The following SPIDR variants were observed in gnomAD, a reference collection of about 807,000 sequenced individuals.
The protein encoded by SPIDR is DNA repair-scaffolding protein.
Under a neutral mutation model 104.6 loss-of-function variants are expected in SPIDR, and 93 were observed. The observed-to-expected ratio is 0.89, with a 90% CI of 0.75 to 1.06. The LOEUF (loss-of-function observed/expected upper bound fraction) is 1.06, where lower values mean the gene tolerates loss of function less well. Ranked by LOEUF, SPIDR falls within the 50% of genes least tolerant of loss-of-function variation. The pLI is 0.00. For synonymous variants in SPIDR, 431 were observed against 416.9 expected (o/e 1.03, Z -0.41); for missense variants, 1,154 against 1,111.2 (o/e 1.04, Z -0.55).
intron 5 of SPIDR, among the ~76,000 whole-genome samples, chr8:47,382,122 A>G (rs888431598): frequency 6.6e-5 from 10 of 152,250 alleles, no homozygotes; most frequent in African/African-American, 2.4e-4. Flanking sequence ...GCACTGCTTC[A>G]TCTTGAAATT....
intron 1 of SPIDR, among the ~76,000 whole-genome samples, chr8:47,270,781 T>G (rs1270261334): frequency 6.6e-6 from 1 of 152,162 alleles, no homozygotes; most frequent in Non-Finnish European, 1.5e-5. Flanking sequence ...CCTTTTAAAG[T>G]TATCTTCTAA....
chr8:47,520,778 C>T lies in SPIDR; in HGVS notation c.1098-75033C>T, dbSNP rs181898177. ...CAGTGGATCACAAAGCTGTGTGACACTGGACATGACTTCCCAAAAGAACCC... is the reference window on the plus strand; with the variant it reads ...CAGTGGATCACAAAGCTGTGTGACATTGGACATGACTTCCCAAAAGAACCC... On this transcript the variant is annotated intron_variant, in intron 8 of 19. Transcript: ENST00000297423. Among the ~76,000 whole-genome samples, 4 of 152,292 alleles carry T rather than the reference C, an allele frequency of 2.6e-5. No homozygotes were observed. In the East Asian group the frequency reaches 5.8e-4, roughly 22 times the overall value.
chr8:47,266,108 G>A (rs1205432570), intron 1 of SPIDR, among the ~76,000 whole-genome samples: 1 of 149,876 alleles, frequency 6.7e-6, no homozygotes, highest in African/African-American at 2.5e-5. Flanking sequence ...AAGTTGTTGT[G>A]CATATCAGTA....
intron 1 of SPIDR, among the ~76,000 whole-genome samples, chr8:47,268,871 G>T (rs1276120702): frequency 6.6e-6 from 1 of 152,132 alleles, no homozygotes; most frequent in Non-Finnish European, 1.5e-5. Context: ...GATTTCCTGT[G>T]TACAAGGTCA....
chr8:47,657,077 T>C (rs979258228), intron 10 of SPIDR, among the ~76,000 whole-genome samples: 1 of 152,172 alleles, frequency 6.6e-6, no homozygotes, highest in Non-Finnish European at 1.5e-5. Flanking sequence ...TGGAATTAGA[T>C]AGTGCTGATG....
intron 8 of SPIDR, among the ~76,000 whole-genome samples, chr8:47,474,840 G>A (rs2076109168): frequency 1.3e-5 from 2 of 152,244 alleles, no homozygotes; most frequent in Admixed American, 6.5e-5. Context: ...GCAGAGAAGA[G>A]TACAGTTTTT....
intron 8 of SPIDR, among the ~76,000 whole-genome samples, chr8:47,593,504 TATTA>T (rs2061303452): frequency 2.0e-5 from 3 of 152,246 alleles, no homozygotes; most frequent in African/African-American, 7.2e-5. Context: ...TATTGACATC[TATTA>T]ACTGTCTTTA....
chr8:47,349,421 G>A (rs1196128318), intron 5 of SPIDR, among the ~76,000 whole-genome samples: 1 of 152,210 alleles, frequency 6.6e-6, no homozygotes, highest in Non-Finnish European at 1.5e-5. Context: ...GCTGCTTGGG[G>A]GTCAGGGACC....
intron 19 of SPIDR, among the ~76,000 whole-genome samples, chr8:47,731,204 T>C (rs867386672): frequency 1.3e-5 from 2 of 150,594 alleles, no homozygotes; most frequent in Non-Finnish European, 3.0e-5. Context: ...TGCAGTGAGC[T>C]GAGATTGTGC....
At chr8:47,544,756 C>T (rs1360972875) in intron 8 of SPIDR, among the ~76,000 whole-genome samples, 1 of 152,224 alleles carries the variant, frequency 6.6e-6, no homozygotes, top group Non-Finnish European at 1.5e-5. Flanking sequence ...AAATCACGTT[C>T]ATAGCACTGT....
chr8:47,573,975 GAA>G (rs2058803655), intron 8 of SPIDR, among the ~76,000 whole-genome samples: 1 of 152,176 alleles, frequency 6.6e-6, no homozygotes, highest in South Asian at 2.1e-4. Context: ...TTTAATCCAA[GAA>G]TGTTCCTACT....
chr8:47,733,405 T>A (rs1018339439), intron 19 of SPIDR, among the ~76,000 whole-genome samples: 2 of 152,092 alleles, frequency 1.3e-5, no homozygotes, highest in Admixed American at 1.3e-4. Flanking sequence ...TAATAAAAAA[T>A]TTTAAACTCC....
chr8:47,454,348 G>A (rs145972333), intron 8 of SPIDR, among the ~76,000 whole-genome samples: 108 of 152,156 alleles, frequency 7.1e-4, no homozygotes, highest in African/African-American at 2.6e-3. Flanking sequence ...GAAGCTGGAA[G>A]CCATCATTCT....
At chr8:47,267,812 A>G (rs1164919598) in intron 1 of SPIDR, among the ~76,000 whole-genome samples, 5 of 152,024 alleles carry the variant, frequency 3.3e-5, no homozygotes, top group Admixed American at 3.3e-4. Context: ...TCATTTTCTT[A>G]TTGAAGTACA....
At chr8:47,715,069 C>T (rs2082374717) in intron 16 of SPIDR, among the ~76,000 whole-genome samples, 1 of 152,142 alleles carries the variant, frequency 6.6e-6, no homozygotes, top group Admixed American at 6.5e-5. Context: ...TTATCATTCA[C>T]GCCCCGTTAC....
intron 5 of SPIDR, among the ~76,000 whole-genome samples, chr8:47,358,276 T>TA (rs1235686713): frequency 7.9e-5 from 12 of 151,940 alleles, no homozygotes; most frequent in Non-Finnish European, 2.9e-5. Flanking sequence ...TTTATAGAGA[T>TA]AGAGTTTCAC....
At chr8:47,469,434 G>A (rs2075361889) in intron 8 of SPIDR, among the ~76,000 whole-genome samples, 1 of 152,046 alleles carries the variant, frequency 6.6e-6, no homozygotes, top group Admixed American at 6.6e-5. Context: ...GTTTGTTGCA[G>A]CATTGTTGAC....
At chr8:47,349,996 G>T (rs2053136066) in intron 5 of SPIDR, among the ~76,000 whole-genome samples, 1 of 152,168 alleles carries the variant, frequency 6.6e-6, no homozygotes, top group African/African-American at 2.4e-5. Flanking sequence ...GCCAGTCCCA[G>T]TGAGATGAAC....
chr8:47,696,167 G>A (rs2079306625), intron 11 of SPIDR, among the ~76,000 whole-genome samples: 2 of 152,202 alleles, frequency 1.3e-5, no homozygotes, highest in African/African-American at 4.8e-5. Context: ...TTACTAAGGA[G>A]AAACATCTGT....
Sources: gnomAD v4.1 joint callset for allele counts (sites outside exome capture counted in the v4.1 genomes callset) on GRCh38, gnomAD v4.1.1 for gene constraint, MANE v1.5 for transcripts, NCBI Gene and HGNC (gene_info 2026-07-23, HGNC 2026-07-21) for gene names.